The following CDIN1 variants were observed in gnomAD, a reference collection of about 807,000 sequenced individuals.
CDIN1 encodes CDAN1-interacting nuclease 1.
In CDIN1, 33 loss-of-function variants were observed where a neutral mutation model predicts 45.3. That is an observed-to-expected ratio of 0.73 (90% CI 0.55 to 0.97). The LOEUF is 0.97. Ranked by LOEUF, CDIN1 falls within the 50% of genes least tolerant of loss-of-function variation. CDIN1 has a pLI of 0.00. For missense variants in CDIN1, 303 were observed against 339.4 expected (o/e 0.89, Z 0.84); for synonymous variants, 118 against 124.4 (o/e 0.95, Z 0.34).
chr15:36,745,467 G>A (rs1208065694), intron 10 of CDIN1, among the ~76,000 whole-genome samples: 1 of 151,908 alleles, frequency 6.6e-6, no homozygotes, highest in Non-Finnish European at 1.5e-5. Context: ...AAATATGCAT[G>A]GTTCACTGTA....
At chr15:36,605,507 G>C (rs747623861) in intron 1 of CDIN1, among the ~76,000 whole-genome samples, 6 of 152,166 alleles carry the variant, frequency 3.9e-5, no homozygotes, top group Non-Finnish European at 8.8e-5. Context: ...TTCCGCGTTA[G>C]CTGGAATTGT....
chr15:36,594,829 T>A, intron 1 of CDIN1: 1 of 954,562 alleles, frequency 1.0e-6, no homozygotes, highest in Non-Finnish European at 1.2e-6. Context: ...TTTTTTTTTT[T>A]TAGCATTTCA....
At chr15:36,746,559 G>T (rs1214806936) in intron 10 of CDIN1, among the ~76,000 whole-genome samples, 2 of 151,950 alleles carry the variant, frequency 1.3e-5, no homozygotes, top group Non-Finnish European at 2.9e-5. Context: ...GAGTTCTGGT[G>T]TGCTATGTTC....
At chr15:36,743,978 C>CT (rs34573450) in intron 10 of CDIN1, among the ~76,000 whole-genome samples, 3,803 of 139,684 alleles carry the variant, frequency 0.027, 92 homozygotes, top group African/African-American at 0.064. Flanking sequence ...CATTTTTTGT[C>CT]TTTTTTTTTT....
chr15:36,700,420 G>A (rs1053072496), intron 8 of CDIN1, among the ~76,000 whole-genome samples: 16 of 152,054 alleles, frequency 1.1e-4, no homozygotes, highest in African/African-American at 3.1e-4. Flanking sequence ...AAGGCTGTTA[G>A]GTTACTTCCA....
intron 7 of CDIN1, among the ~76,000 whole-genome samples, chr15:36,693,751 G>A (rs1460547765): frequency 6.6e-6 from 1 of 152,114 alleles, no homozygotes; most frequent in Non-Finnish European, 1.5e-5. Flanking sequence ...GAAGAAAATG[G>A]CTTGTGAGGT....
chr15:36,589,196 G>A lies in CDIN1; in HGVS notation c.101+9235G>A, dbSNP rs146179561. Among the ~76,000 whole-genome samples, 8 of 152,160 alleles carry A rather than the reference G, an allele frequency of 5.3e-5. No homozygotes were observed. In the South Asian group the frequency reaches 6.2e-4, roughly 12 times the overall value. On this transcript the variant is annotated intron_variant, in intron 1 of 10. Coordinates refer to ENST00000566621, the MANE Select transcript of CDIN1 (RefSeq NM_001321759.2). Reference sequence around the variant, plus strand: ...ATTACACATTTTGTACAGTTTTGCCGTATTGGTTGAATTTTCCTTAGAAAC... The same window carrying A: ...ATTACACATTTTGTACAGTTTTGCCATATTGGTTGAATTTTCCTTAGAAAC...
chr15:36,776,941 A>G (rs1337298154), intron 10 of CDIN1, among the ~76,000 whole-genome samples: 1 of 152,154 alleles, frequency 6.6e-6, no homozygotes, highest in Admixed American at 6.5e-5. Context: ...ATTATATCAT[A>G]AACTTTGAAT....
chr15:36,781,147 A>G (rs1688214311), intron 10 of CDIN1, among the ~76,000 whole-genome samples: 1 of 152,218 alleles, frequency 6.6e-6, no homozygotes, highest in African/African-American at 2.4e-5. Context: ...ATACAAAAGA[A>G]TAATCTAATG....
intron 5 of CDIN1, among the ~76,000 whole-genome samples, chr15:36,677,711 G>A (rs2041698276): frequency 6.6e-6 from 1 of 152,132 alleles, no homozygotes; most frequent in Non-Finnish European, 1.5e-5. Flanking sequence ...AGGAAGGCAA[G>A]TGGATTGGAA....
chr15:36,581,759 G>A (rs1211224264), intron 1 of CDIN1, among the ~76,000 whole-genome samples: 1 of 152,188 alleles, frequency 6.6e-6, no homozygotes, highest in African/African-American at 2.4e-5. Flanking sequence ...TGTGCCTTTA[G>A]ACCCAGCTAC....
At chr15:36,690,260 T>C (rs1234078463) in intron 5 of CDIN1, among the ~76,000 whole-genome samples, 1 of 152,090 alleles carries the variant, frequency 6.6e-6, no homozygotes, top group South Asian at 2.1e-4. Flanking sequence ...CCACAGTATT[T>C]ACTAACATTT....
intron 10 of CDIN1, among the ~76,000 whole-genome samples, chr15:36,749,485 G>A (rs1286801638): frequency 6.6e-6 from 1 of 152,060 alleles, no homozygotes; most frequent in Non-Finnish European, 1.5e-5. Flanking sequence ...TATTTTTATA[G>A]ATTTCTCAAA....
chr15:36,586,157 A>C (rs1595705664), intron 1 of CDIN1, among the ~76,000 whole-genome samples: 1 of 146,148 alleles, frequency 6.8e-6, no homozygotes, highest in Non-Finnish European at 1.5e-5. Context: ...ATTTTGAGAC[A>C]CTCCACAGTT....
intron 1 of CDIN1, chr15:36,618,025 T>TC (rs1884450375): frequency 1.3e-6 from 1 of 781,122 alleles, no homozygotes; most frequent in Non-Finnish European, 2.3e-6. Context: ...TATATAATCT[T>TC]CACCAGCAGT....
intron 1 of CDIN1, chr15:36,618,501 A>G (rs1595751821): frequency 8.1e-7 from 1 of 1,235,156 alleles, no homozygotes; most frequent in Non-Finnish European, 1.2e-6. Context: ...CAAAGCCTCC[A>G]ACACCAAAGT....
At position 36,808,472 on chromosome 15, in the gene CDIN1, AGAAGCTGGGAGG is replaced by A; in HGVS notation, c.*20_*31del. On this transcript the variant is annotated 3_prime_UTR_variant, in exon 11 of 11. Transcript: ENST00000566621. The stretch of plus-strand genomic sequence containing the variant: ...AGCTTGACCCTGAAGATCCTGGAAG[AGAAGCTGGGAGG>A]AAAAGGTGAATCCGGAAGCAATTTT... 6.2e-7 allele frequency: 1 copy of A among 1,612,698 alleles called. No homozygotes were observed. The highest frequency in any genetic ancestry group is 8.5e-7 in the Non-Finnish European group (1 of 1,179,188).
At chr15:36,601,989 A>G (rs936414834) in intron 1 of CDIN1, among the ~76,000 whole-genome samples, 1 of 152,242 alleles carries the variant, frequency 6.6e-6, no homozygotes, top group Admixed American at 6.5e-5. Context: ...ATTCATAGTG[A>G]TAAAGCTACT....
intron 10 of CDIN1, among the ~76,000 whole-genome samples, chr15:36,763,149 C>T (rs2053819412): frequency 1.3e-5 from 2 of 152,324 alleles, no homozygotes; most frequent in East Asian, 1.9e-4. Flanking sequence ...TCCTCTCCAG[C>T]ACCTGTTGTT....
Sources: gnomAD v4.1 joint callset for allele counts (sites outside exome capture counted in the v4.1 genomes callset) on GRCh38, gnomAD v4.1.1 for gene constraint, MANE v1.5 for transcripts, NCBI Gene and HGNC (gene_info 2026-07-23, HGNC 2026-07-21) for gene names.